GPC5: variants seen among roughly 807,000 people sequenced by gnomAD.
GPC5 encodes the protein glypican-5.
In GPC5, 47 loss-of-function variants were observed where a neutral mutation model predicts 53.9. The ratio of observed to expected loss-of-function variants is 0.87; its 90% confidence interval spans 0.69 to 1.11. The LOEUF (loss-of-function observed/expected upper bound fraction) is 1.11. GPC5 is among the 50% of genes most tolerant of loss of function. The probability of loss-of-function intolerance (pLI) is 0.00; values close to 1 mark genes in which losing one functional copy is unlikely to be tolerated. For synonymous variants in GPC5, 286 were observed against 263.3 expected (o/e 1.09, Z -0.84); for missense variants, 748 against 713.1 (o/e 1.05, Z -0.56).
intron 5 of GPC5, among the ~76,000 whole-genome samples, chr13:91,871,802 A>C (rs1277575852): frequency 6.6e-6 from 1 of 152,076 alleles, no homozygotes; most frequent in Non-Finnish European, 1.5e-5. Flanking sequence ...GGGAGAGAAA[A>C]TGCATTGCCA....
At chr13:92,572,176 T>C (rs1883047316) in intron 7 of GPC5, among the ~76,000 whole-genome samples, 1 of 152,204 alleles carries the variant, frequency 6.6e-6, no homozygotes, top group African/African-American at 2.4e-5. Flanking sequence ...TATTTGAAAA[T>C]ACATTTGTTT....
chr13:91,787,199 G>C (rs2037893769), intron 5 of GPC5, among the ~76,000 whole-genome samples: 1 of 151,946 alleles, frequency 6.6e-6, no homozygotes, highest in Non-Finnish European at 1.5e-5. Flanking sequence ...AATTATTCTT[G>C]CTATTTTGAA....
intron 7 of GPC5, among the ~76,000 whole-genome samples, chr13:92,570,025 A>T (rs544487747): frequency 6.6e-6 from 1 of 152,228 alleles, no homozygotes; most frequent in South Asian, 2.1e-4. Context: ...CTGAGCTGAC[A>T]CTCGATCCTC....
intron 7 of GPC5, among the ~76,000 whole-genome samples, chr13:92,317,358 G>A (rs2043186125): frequency 6.6e-6 from 1 of 152,124 alleles, no homozygotes; most frequent in South Asian, 2.1e-4. Flanking sequence ...TGAAAAGAGA[G>A]TTATTCAAAG....
chr13:91,842,694 G>T (rs2038802459), intron 5 of GPC5, among the ~76,000 whole-genome samples: 2 of 104,104 alleles, frequency 1.9e-5, no homozygotes, highest in Admixed American at 1.4e-4. Flanking sequence ...GACACAGCGA[G>T]ACTCCGTCTC....
intron 2 of GPC5, among the ~76,000 whole-genome samples, chr13:91,474,264 T>C (rs1259477841): frequency 6.6e-6 from 1 of 152,166 alleles, no homozygotes; most frequent in Non-Finnish European, 1.5e-5. Context: ...ATATTGTTTA[T>C]AGAAGATCTT....
intron 5 of GPC5, among the ~76,000 whole-genome samples, chr13:91,776,806 C>G (rs1321682941): frequency 2.0e-5 from 3 of 152,174 alleles, no homozygotes; most frequent in Non-Finnish European, 4.4e-5. Context: ...TTTCAAATGT[C>G]AGTGGTATGG....
At chr13:91,886,279 C>T (rs1412421762) in intron 5 of GPC5, among the ~76,000 whole-genome samples, 1 of 152,132 alleles carries the variant, frequency 6.6e-6, no homozygotes, top group Admixed American at 6.5e-5. Flanking sequence ...TATTCACTAT[C>T]ATGAGAACAG....
intron 3 of GPC5, among the ~76,000 whole-genome samples, chr13:91,695,703 C>T (rs1433649941): frequency 6.6e-6 from 1 of 152,138 alleles, no homozygotes; most frequent in Non-Finnish European, 1.5e-5. Context: ...TATTGAGTAT[C>T]TCCAAAAGGG....
chr13:92,362,707 G>A (rs912629234), intron 7 of GPC5, among the ~76,000 whole-genome samples: 1 of 151,710 alleles, frequency 6.6e-6, no homozygotes, highest in African/African-American at 2.4e-5. Flanking sequence ...AGTCTTAGAA[G>A]GTCTTGAAAA....
intron 7 of GPC5, among the ~76,000 whole-genome samples, chr13:92,692,124 T>C (rs1887418932): frequency 6.6e-6 from 1 of 152,194 alleles, no homozygotes; most frequent in South Asian, 2.1e-4. Flanking sequence ...GAGAAATTAC[T>C]GTATTTATCT....
rs192933731 is a variant in GPC5, at chr13:91,916,684, G to A, written c.1401+8627G>A. On this transcript the variant is annotated intron_variant, in intron 6 of 7. Transcript: ENST00000377067. The stretch of plus-strand genomic sequence containing the variant: ...AAAGAGGTTTAATTGACTCACAGTT[G>A]TGCATTGCTGGGGGGTCCTCAGGAA... Among the ~76,000 whole-genome samples, 231 of 152,258 alleles carry A rather than the reference G, an allele frequency of 1.5e-3. 1 individual carries two copies. In the Middle Eastern group the frequency reaches 0.051, roughly 34 times the overall value.
intron 7 of GPC5, among the ~76,000 whole-genome samples, chr13:92,219,790 C>T (rs1031819989): frequency 2.6e-5 from 4 of 152,160 alleles, no homozygotes; most frequent in Non-Finnish European, 4.4e-5. Context: ...ACCAATCAGA[C>T]TGATTGTGGA....
intron 7 of GPC5, among the ~76,000 whole-genome samples, chr13:92,179,909 TATC>T (rs1425695959): frequency 3.1e-4 from 47 of 152,334 alleles, no homozygotes; most frequent in African/African-American, 1.1e-3. Flanking sequence ...TGGGGAAAGA[TATC>T]AGCCTAAATT....
At chr13:91,873,603 G>A (rs753531526) in intron 5 of GPC5, among the ~76,000 whole-genome samples, 3 of 152,178 alleles carry the variant, frequency 2.0e-5, no homozygotes, top group Non-Finnish European at 4.4e-5. Flanking sequence ...CCATGAGTGT[G>A]AGGCCTCCCC....
intron 7 of GPC5, among the ~76,000 whole-genome samples, chr13:92,378,986 T>C (rs78224548): frequency 0.011 from 1,751 of 152,304 alleles, 37 homozygotes; most frequent in African/African-American, 0.04. Context: ...TATGCAGTCA[T>C]AGAGATTACA....
At chr13:92,028,136 T>C (rs1455862112) in intron 6 of GPC5, among the ~76,000 whole-genome samples, 1 of 152,172 alleles carries the variant, frequency 6.6e-6, no homozygotes, top group Non-Finnish European at 1.5e-5. Context: ...TTAATCCGTA[T>C]TTCAAAACCG....
chr13:92,756,121 G>C (rs890936633), intron 7 of GPC5, among the ~76,000 whole-genome samples: 2 of 151,686 alleles, frequency 1.3e-5, no homozygotes, highest in African/African-American at 2.4e-5. Context: ...ACATCAAAAA[G>C]CTTATCCACC....
At chr13:92,024,719 T>C (rs1046464103) in intron 6 of GPC5, among the ~76,000 whole-genome samples, 2 of 152,164 alleles carry the variant, frequency 1.3e-5, no homozygotes, top group Non-Finnish European at 2.9e-5. Flanking sequence ...ATATTTCAAA[T>C]GACCAAACAC....
Sources: gnomAD v4.1 joint callset for allele counts (sites outside exome capture counted in the v4.1 genomes callset) on GRCh38, gnomAD v4.1.1 for gene constraint, MANE v1.5 for transcripts, NCBI Gene and HGNC (gene_info 2026-07-23, HGNC 2026-07-21) for gene names.